TMEM63A: variants seen among roughly 807,000 people sequenced by gnomAD.
The protein encoded by TMEM63A is transmembrane protein 63A.
In TMEM63A, 76 loss-of-function variants were observed where a neutral mutation model predicts 100.6. The ratio of observed to expected loss-of-function variants is 0.76; its 90% CI spans 0.63 to 0.91. The LOEUF is 0.91. Ranked by LOEUF, TMEM63A falls within the 40% of genes least tolerant of loss-of-function variation. The pLI is 0.00. For synonymous variants in TMEM63A, 401 were observed against 401.1 expected (o/e 1.00, Z 0.00); for missense variants, 876 against 1,008.8 (o/e 0.87, Z 1.78).
Position 225,853,505 on chromosome 1 carries a change from A to T in TMEM63A, c.1797+124T>A. 1 of 1,037,950 alleles carries T rather than the reference A, an allele frequency of 9.6e-7. No individual in the cohort carries two copies. The highest frequency in any genetic ancestry group is 1.3e-6 in the Non-Finnish European group (1 of 741,982). 64.3% of individuals were successfully genotyped at this position (1,037,950 alleles called of 1,614,324 possible). On this transcript the variant is annotated intron_variant, in intron 19 of 24. Transcript: ENST00000366835. This position sits in a 1 kb window ranked among gnomAD's most constrained non-coding sequence, Gnocchi z 4.0. Reference sequence around the variant, plus strand: ...GAGAAGCACTTAGCCCAGTGCCTGCACTAGTGGGTAGTCAGGTAAATGCTA... The same window carrying T: ...GAGAAGCACTTAGCCCAGTGCCTGCTCTAGTGGGTAGTCAGGTAAATGCTA...
intron 20 of TMEM63A, 26 bp from the exon 21 acceptor site, chr1:225,850,105 GAGACCTCGCAGGGCCACAC>G (rs1442942804): frequency 6.2e-7 from 1 of 1,612,466 alleles, no homozygotes; most frequent in Admixed American, 1.7e-5. Context: ...CTGTGAGCTG[GAGACCTCGCAGGGCCACAC>G]AGACACCTCT....
chr1:225,849,542 G>T (rs916532481), intron 21 of TMEM63A, among the ~76,000 whole-genome samples: 7 of 152,196 alleles, frequency 4.6e-5, no homozygotes, highest in African/African-American at 1.7e-4. Flanking sequence ...GCTGATAAAG[G>T]CACTATCTTC....
intron 18 of TMEM63A, 81 bp downstream of exon 18, chr1:225,855,785 TACGACCGCCCCC>T: frequency 6.8e-6 from 9 of 1,322,602 alleles, no homozygotes; most frequent in Non-Finnish European, 8.5e-6. Context: ...AAGCATAGGC[TACGACCGCCCCC>T]ACCCATCCCA....
Position 225,862,366 on chromosome 1 carries a change from A to G in TMEM63A, c.952-15T>C. 1.2e-6 allele frequency: 2 copies of G among 1,614,108 alleles called. No homozygotes were observed. Among genetic ancestry groups the G allele is most frequent in the Non-Finnish European group, 1.7e-6 (2 of 1,180,004 alleles). Reference sequence around the variant, plus strand: ...ATGGCGTCTTCCTGCCACAAGACACATCCCATTGGGATGACGTGGCCCCAT... The same window carrying G: ...ATGGCGTCTTCCTGCCACAAGACACGTCCCATTGGGATGACGTGGCCCCAT... On this transcript the variant is annotated splice_polypyrimidine_tract_variant and intron_variant, in intron 12 of 24. Coordinates refer to ENST00000366835, the MANE Select transcript of TMEM63A (RefSeq NM_014698.3). The surrounding 1 kb of genome is among the most constrained non-coding windows in gnomAD (Gnocchi z 5.1).
downstream of TMEM63A, chr1:225,841,225 G>A (rs1668381587): frequency 6.6e-6 from 1 of 152,126 alleles, no homozygotes. Context: ...CCTTGAGTCT[G>A]GCTTCTTTTG....
chr1:225,862,901 ACC>A lies in TMEM63A; in HGVS notation c.747-52_747-51del. ...AAAAGACACCGTTGGAAAAGAAAAC[ACC>A]CCAAGCAGGAGACGTGCCCACGGAT... On this transcript the variant is annotated intron_variant, in intron 10 of 24. Coordinates refer to ENST00000366835, the MANE Select transcript of TMEM63A (RefSeq NM_014698.3). This position sits in a 1 kb window ranked among gnomAD's most constrained non-coding sequence, Gnocchi z 5.1. The A allele has an allele frequency of 6.4e-7, 1 of 1,562,562 alleles. No individual in the cohort carries two copies. Among genetic ancestry groups the A allele is most frequent in the South Asian group, 1.1e-5 (1 of 87,600 alleles).
chr1:225,867,076 C>G lies in TMEM63A; in HGVS notation c.566+36G>C. Reference sequence around the variant, plus strand: ...CTGACCTGCCTTCTCCTTGATCTCACCCATCAGCACCTATCCCCACGGGCT... The same window carrying G: ...CTGACCTGCCTTCTCCTTGATCTCAGCCATCAGCACCTATCCCCACGGGCT... On this transcript the variant is annotated intron_variant, in intron 8 of 24. Coordinates refer to ENST00000366835, the MANE Select transcript of TMEM63A (RefSeq NM_014698.3). This position sits in a 1 kb window ranked among gnomAD's most constrained non-coding sequence, Gnocchi z 4.6. The G allele has an allele frequency of 2.5e-6, 4 of 1,613,002 alleles. No homozygotes were observed. Among genetic ancestry groups the G allele is most frequent in the Non-Finnish European group, 3.4e-6 (4 of 1,178,980 alleles).
downstream of TMEM63A, chr1:225,842,480 G>A (rs770737585): frequency 4.4e-6 from 7 of 1,592,698 alleles, no homozygotes; most frequent in East Asian, 2.2e-5. Flanking sequence ...GAAAGGTGAG[G>A]CCCTGGTTTG....
At chr1:225,842,522 C>T, downstream of TMEM63A, 4 of 1,286,526 alleles carry the variant, frequency 3.1e-6, no homozygotes, top group Non-Finnish European at 4.5e-6. Context: ...TCCCAGCAGC[C>T]AACCTCCTCA....
chr1:225,869,260 G>A (rs1405418085), intron 6 of TMEM63A, among the ~76,000 whole-genome samples: 1 of 152,236 alleles, frequency 6.6e-6, no homozygotes, highest in Non-Finnish European at 1.5e-5. Context: ...ACCTAGTCCT[G>A]TACGTGGTAT....
intron 9 of TMEM63A, 47 bp downstream of exon 9, chr1:225,866,527 C>A: frequency 6.4e-7 from 1 of 1,569,516 alleles, no homozygotes; most frequent in Non-Finnish European, 8.7e-7. Flanking sequence ...CTCCGACTCC[C>A]ACCTGAGTCC....
At chr1:225,842,735 C>T (rs191197284), downstream of TMEM63A, among the ~76,000 whole-genome samples, 953 of 152,298 alleles carry the variant, frequency 6.3e-3, 2 homozygotes, top group Non-Finnish European at 0.011. Context: ...CTGAACAGGC[C>T]CCTCTGGGGA....
At position 225,867,897 on chromosome 1, in the gene TMEM63A, C is replaced by A; in HGVS notation, c.505G>T (p.Asp169Tyr). Reference protein sequence around the residue: ...CVILPVNLSGDLLDKDPYSFG... With the variant: ...CVILPVNLSGYLLDKDPYSFG... ...TGAGGAGGGTCATTACCCAGCAAGT[C>A]CCCTGAGAGGTTGACAGGCAGGATG... The change falls in exon 7 of 25, where the codon GAC becomes TAC. Residue 169 changes from aspartate (D) to tyrosine (Y), a missense_variant. Physicochemically the swap from Asp to Tyr is radical, Grantham distance 160 (BLOSUM62 -3). Coordinates refer to ENST00000366835, the MANE Select transcript of TMEM63A (RefSeq NM_014698.3). The surrounding 1 kb of genome is among the most constrained non-coding windows in gnomAD (Gnocchi z 4.6). The A allele has an allele frequency of 6.2e-7, 1 of 1,614,108 alleles. No individual in the cohort carries two copies. Among genetic ancestry groups the A allele is most frequent in the Non-Finnish European group, 8.5e-7 (1 of 1,180,028 alleles).
intron 1 of TMEM63A, among the ~76,000 whole-genome samples, chr1:225,879,953 G>A (rs1671006629): frequency 6.6e-6 from 1 of 151,728 alleles, no homozygotes; most frequent in Non-Finnish European, 1.5e-5. Flanking sequence ...GGGTGCTGTG[G>A]TGGTGCTGGG....
Position 225,856,741 on chromosome 1 carries a change from G to A in TMEM63A, c.1485-3C>T. 1.9e-6 allele frequency: 3 copies of A among 1,612,954 alleles called. No individual in the cohort carries two copies. Among genetic ancestry groups the A allele is most frequent in the Non-Finnish European group, 2.5e-6 (3 of 1,179,600 alleles). ...TCATGATCTGGTTTTCCCCCGACCT[G>A]CAGGAAGTCAAAGGTGAGCACTCGC... On this transcript the variant is annotated splice_polypyrimidine_tract_variant and splice_region_variant and intron_variant, in intron 16 of 24. Coordinates refer to ENST00000366835, the MANE Select transcript of TMEM63A (RefSeq NM_014698.3).
intron 2 of TMEM63A, 134 bp from the exon 3 acceptor site, chr1:225,877,728 C>G (rs1005059659): frequency 3.8e-6 from 3 of 797,678 alleles, no homozygotes; most frequent in African/African-American, 1.7e-5. Flanking sequence ...GCAAGGAGTC[C>G]GGGAGAGCCA....
In TMEM63A at chr1:225,862,441, G is replaced by T. The variant is rs758282322; in HGVS notation, c.951+14C>A. The T allele has an allele frequency of 2.5e-6, 4 of 1,613,980 alleles. No homozygotes were observed. The highest frequency in any genetic ancestry group is 3.4e-6 in the Non-Finnish European group (4 of 1,179,888). ...CCAATGCCTCTGCTCCCAGCCGGGG[G>T]GTGGGACCCTTACCCACTCACAGCC... On this transcript the variant is annotated intron_variant, in intron 12 of 24. Coordinates refer to ENST00000366835, the MANE Select transcript of TMEM63A (RefSeq NM_014698.3). This position sits in a 1 kb window ranked among gnomAD's most constrained non-coding sequence, Gnocchi z 5.1.
At chr1:225,852,588 GCTGTC>G in intron 20 of TMEM63A, 71 bp downstream of exon 20, 12 of 1,423,336 alleles carry the variant, frequency 8.4e-6, no homozygotes, top group Non-Finnish European at 1.2e-5. Context: ...CCTGGTGATA[GCTGTC>G]CCCGAGAGGT....
intron 23 of TMEM63A, chr1:225,848,250 T>C: frequency 1.8e-6 from 1 of 545,930 alleles, no homozygotes; most frequent in South Asian, 2.4e-5. Flanking sequence ...AGCAGGGAAC[T>C]GAAACCAAGG....
Sources: allele counts gnomAD v4.1 joint callset (sites outside exome capture counted in the v4.1 genomes callset), GRCh38; gene constraint gnomAD v4.1.1; non-coding constraint Gnocchi (gnomAD v3.1); transcripts MANE v1.5; gene names NCBI Gene and HGNC (gene_info 2026-07-23, HGNC 2026-07-21).